Variants in WDR27 observed in about 807,000 individuals in gnomAD.
WDR27 encodes the protein WD repeat domain 27.
Under a neutral mutation model 114.4 loss-of-function variants are expected in WDR27, and 100 were observed. The observed-to-expected ratio is 0.87, with a 90% CI of 0.74 to 1.03. The LOEUF (loss-of-function observed/expected upper bound fraction) is 1.03. WDR27 is among the 50% of genes least tolerant of loss of function. The pLI is 0.00. For missense variants in WDR27, 1,129 were observed against 1,092.9 expected (o/e 1.03, Z -0.47); for synonymous variants, 449 against 423.1 (o/e 1.06, Z -0.75).
intron 25 of WDR27, among the ~76,000 whole-genome samples, chr6:169,486,096 C>T (rs910418190): frequency 4.6e-5 from 7 of 151,982 alleles, no homozygotes; most frequent in Admixed American, 1.3e-4. Flanking sequence ...CAACAAATCC[C>T]CTTGATATGA....
intron 5 of WDR27, among the ~76,000 whole-genome samples, chr6:169,667,597 T>C (rs1255462214): frequency 6.6e-6 from 1 of 152,246 alleles, no homozygotes; most frequent in African/African-American, 2.4e-5. Context: ...GGATAAAAAC[T>C]GAATTCGCAT....
In WDR27 at chr6:169,647,863, A is replaced by T; in HGVS notation, c.1567T>A (p.Tyr523Asn). The part of the protein sequence containing the change: ...RSRSSCAREA[Y>N]PVECAVPTKP... Reference sequence around the variant, plus strand: ...GTGGGCACAGCGCACTCCACGGGGTATGCCTCCCTGAGGGAAGGCCACAGG... The same window carrying T: ...GTGGGCACAGCGCACTCCACGGGGTTTGCCTCCCTGAGGGAAGGCCACAGG... The change falls in exon 16 of 26, where the codon TAC (tyrosine) becomes AAC (asparagine). Residue 523 changes from tyrosine to asparagine, a missense_variant. By Grantham distance (143) the Tyr-to-Asn change is moderately radical. Coordinates refer to ENST00000448612, the MANE Select transcript of WDR27 (RefSeq NM_182552.5). 6.4e-7 allele frequency: 1 copy of T among 1,558,994 alleles called. No individual in the cohort carries two copies. The highest frequency in any genetic ancestry group is 1.4e-5 in the African/African-American group (1 of 73,320).
chr6:169,427,665 G>A, the WDR27 span, among the ~76,000 whole-genome samples: 10 of 152,142 alleles, frequency 6.6e-5, no homozygotes, highest in South Asian at 1.9e-3. Context: ...CGTCCCTCGA[G>A]TCATTTCTAT....
At chr6:169,548,672 A>ATAGTATAGACAC (rs1797746637) in intron 25 of WDR27, among the ~76,000 whole-genome samples, 1 of 152,244 alleles carries the variant, frequency 6.6e-6, no homozygotes, top group African/African-American at 2.4e-5. Flanking sequence ...TATAGTAATC[A>ATAGTATAGACAC]AGACAGTGCT....
intron 25 of WDR27, among the ~76,000 whole-genome samples, chr6:169,533,260 A>G (rs1226888683): frequency 1.1e-5 from 1 of 90,426 alleles, no homozygotes; most frequent in Non-Finnish European, 3.0e-5. Context: ...GGAGGGAGAC[A>G]GCCCACATGG....
intron 25 of WDR27, among the ~76,000 whole-genome samples, chr6:169,478,651 T>C (rs1787533216): frequency 6.6e-6 from 1 of 151,768 alleles, no homozygotes; most frequent in Non-Finnish European, 1.5e-5. Flanking sequence ...AAAAATCAGA[T>C]GGAGCTACAG....
chr6:169,581,500 G>A (rs534019926), intron 24 of WDR27, among the ~76,000 whole-genome samples: 2 of 152,318 alleles, frequency 1.3e-5, no homozygotes, highest in South Asian at 4.1e-4. Flanking sequence ...AGAAAAGCAG[G>A]TCCGTTACAG....
intron 25 of WDR27, chr6:169,559,624 C>A (rs771963048): frequency 1.3e-5 from 2 of 152,160 alleles, no homozygotes; most frequent in Non-Finnish European, 2.9e-5. Flanking sequence ...GAGAAGGAAA[C>A]CTTTCTCCAG....
chr6:169,550,903 A>G (rs749785806), intron 25 of WDR27, among the ~76,000 whole-genome samples: 25 of 152,080 alleles, frequency 1.6e-4, no homozygotes, highest in Non-Finnish European at 2.8e-4. Flanking sequence ...TTTTGTAGAG[A>G]CGGGGTCTCA....
chr6:169,426,977 G>T, the WDR27 span: 3 of 148,972 alleles, frequency 2.0e-5, no homozygotes, highest in South Asian at 2.1e-4. Flanking sequence ...GGGCAGTGGG[G>T]GGGGGGTGGC....
chr6:169,693,257 A>G (rs1784967327), intron 1 of WDR27, among the ~76,000 whole-genome samples: 1 of 152,122 alleles, frequency 6.6e-6, no homozygotes, highest in African/African-American at 2.4e-5. Flanking sequence ...TCACAAATGA[A>G]GGAAAGATAA....
intron 13 of WDR27, among the ~76,000 whole-genome samples, chr6:169,656,517 G>A (rs898138141): frequency 6.6e-6 from 1 of 152,126 alleles, no homozygotes; most frequent in Non-Finnish European, 1.5e-5. Flanking sequence ...CGGGGTGGGG[G>A]GAAAGCATGT....
At position 169,659,836 on chromosome 6, in the gene WDR27, A is replaced by T. The variant is rs79938197; in HGVS notation, c.1130-318T>A. ...GAAGCCACATGTCCAGCACCAGATCAGAAAGGAAATGTGTAATTAGAGCTG... is the reference window on the plus strand; with the variant it reads ...GAAGCCACATGTCCAGCACCAGATCTGAAAGGAAATGTGTAATTAGAGCTG... On this transcript the variant is annotated intron_variant, in intron 10 of 25. Coordinates refer to ENST00000448612, the MANE Select transcript of WDR27 (RefSeq NM_182552.5). The surrounding 1 kb of genome is among the most constrained non-coding windows in gnomAD (Gnocchi z 4.3). 0.032 allele frequency among the ~76,000 whole-genome samples: 4,829 copies of T among 152,174 alleles called. 121 individuals are homozygous for T. Among genetic ancestry groups the T allele is most frequent in the Non-Finnish European group, 0.053 (3,598 of 68,000 alleles).
chr6:169,666,362 A>C, intron 6 of WDR27: 1 of 982,228 alleles, frequency 1.0e-6, no homozygotes, highest in Non-Finnish European at 1.2e-6. Flanking sequence ...CAATAACTCT[A>C]CCAGGTCACC....
At chr6:169,631,827 T>C (rs2128215545) in intron 21 of WDR27, among the ~76,000 whole-genome samples, 1 of 152,318 alleles carries the variant, frequency 6.6e-6, no homozygotes, top group East Asian at 1.9e-4. Context: ...CTTTCTGATT[T>C]GAACTGATTA....
Position 169,566,917 on chromosome 6 carries a change from A to G in WDR27, c.2645+5502T>C, listed in dbSNP as rs1213448824. 5.9e-5 allele frequency among the ~76,000 whole-genome samples: 9 copies of G among 152,280 alleles called. No homozygotes were observed. In the East Asian group the frequency reaches 1.5e-3, roughly 26 times the overall value. ...GAACTCAACTGTAAAAACAAAATTA[A>G]TATTTACTCTACTTGGCTCCATTTA... On this transcript the variant is annotated intron_variant, in intron 25 of 25. Transcript: ENST00000448612.
At chr6:169,591,543 G>A (rs1001926919) in intron 23 of WDR27, among the ~76,000 whole-genome samples, 1 of 152,174 alleles carries the variant, frequency 6.6e-6, no homozygotes, top group Non-Finnish European at 1.5e-5. Context: ...CTGACTAAGG[G>A]ACAGGTGCCC....
intron 21 of WDR27, among the ~76,000 whole-genome samples, chr6:169,620,529 C>A (rs1194815826): frequency 6.6e-6 from 1 of 152,186 alleles, no homozygotes; most frequent in Admixed American, 6.5e-5. Context: ...TGATCAAGGA[C>A]TCAAAAGAAT....
chr6:169,587,371 A>G (rs995835558), intron 23 of WDR27, among the ~76,000 whole-genome samples: 3 of 151,918 alleles, frequency 2.0e-5, no homozygotes, highest in Non-Finnish European at 2.9e-5. Flanking sequence ...GGTGCCTAGC[A>G]CCACACGCGG....
Sources: allele counts gnomAD v4.1 joint callset (sites outside exome capture counted in the v4.1 genomes callset), GRCh38; gene constraint gnomAD v4.1.1; non-coding constraint Gnocchi (gnomAD v3.1); transcripts MANE v1.5; gene names NCBI Gene and HGNC (gene_info 2026-07-23, HGNC 2026-07-21).